Variants in FAM180B observed in about 807,000 individuals in gnomAD.
FAM180B encodes protein FAM180B.
Under a neutral mutation model 13.6 loss-of-function variants are expected in FAM180B, and 14 were observed. The ratio of observed to expected loss-of-function variants is 1.03; its 90% confidence interval spans 0.68 to 1.60. FAM180B has a LOEUF of 1.60. Ranked by LOEUF, FAM180B falls within the 40% of genes most tolerant of loss-of-function variation. The probability of loss-of-function intolerance (pLI) is 0.00; values close to 1 mark genes in which losing one functional copy is unlikely to be tolerated. For missense variants in FAM180B, 212 were observed against 230.4 expected (o/e 0.92, Z 0.52); for synonymous variants, 109 against 97.0 (o/e 1.12, Z -0.72).
chr11:47,586,831 G>A lies in FAM180B; in HGVS notation c.63G>A (p.Val21=). ...LVVAICLLSG[V]TTTQPHAGQP... Reference sequence around the variant, plus strand: ...TAGCCATTTGTCTCCTCTCTGGTGTGACTACAACCCAGCCCCATGCAGGTA... The same window carrying A: ...TAGCCATTTGTCTCCTCTCTGGTGTAACTACAACCCAGCCCCATGCAGGTA... Residue 21 remains valine (V), a synonymous_variant, in exon 1 of 3, where the codon GTG becomes GTA. Transcript: ENST00000538490. The A allele has an allele frequency of 1.3e-6, 2 of 1,537,150 alleles. No individual in the cohort carries two copies. The highest frequency in any genetic ancestry group is 1.7e-6 in the Non-Finnish European group (2 of 1,146,786).
chr11:47,586,717 G>A lies in FAM180B; in HGVS notation c.-52G>A. On this transcript the variant is annotated 5_prime_UTR_variant, in exon 1 of 3. The change abolishes an upstream ATG in the 5' untranslated region. Coordinates refer to ENST00000538490, the MANE Select transcript of FAM180B (RefSeq NM_001164379.3). Reference sequence around the variant, plus strand: ...GAGCTGAGGTGTGTGGCAGGCAGATGAGGGAGCAGAGAACTGCTGAACAGA... The same window carrying A: ...GAGCTGAGGTGTGTGGCAGGCAGATAAGGGAGCAGAGAACTGCTGAACAGA... The A allele has an allele frequency of 7.4e-7, 1 of 1,344,958 alleles. No homozygotes were observed. Among genetic ancestry groups the A allele is most frequent in the Non-Finnish European group, 1.0e-6 (1 of 971,054 alleles). 83.3% of individuals were successfully genotyped at this position (1,344,958 alleles called of 1,614,324 possible).
In FAM180B at chr11:47,588,173, T is replaced by C; in HGVS notation, c.291T>C (p.Thr97=). The C allele has an allele frequency of 3.9e-6, 6 of 1,537,210 alleles. No homozygotes were observed. Among genetic ancestry groups the C allele is most frequent in the Non-Finnish European group, 5.2e-6 (6 of 1,146,884 alleles). Residue 97 remains threonine, a synonymous_variant, in exon 3 of 3, where the codon ACT becomes ACC. Transcript: ENST00000538490. ...ACGTGCCCAGTGACTTGGAGGGCAC[T>C]GAGCAGTGGCTGCAGCAGCTCCAGG... ...QHHVPSDLEG[T]EQWLQQLQDL...
At chr11:47,587,644 T>A in intron 1 of FAM180B, 107 bp from the exon 2 acceptor site, 2 of 701,312 alleles carry the variant, frequency 2.9e-6, no homozygotes, top group African/African-American at 1.8e-5. Context: ...TTTTGTAGAA[T>A]GATGAAGCAC....
Position 47,588,209 on chromosome 11 carries a change from G to A in FAM180B, c.327G>A (p.Lys109=). The change falls in exon 3 of 3, where the codon AAG becomes AAA. Residue 109 remains lysine (K), a synonymous_variant. Coordinates refer to ENST00000538490, the MANE Select transcript of FAM180B (RefSeq NM_001164379.3). ...QWLQQLQDLR[K]GPPLSTWDFE... ...TGCAGCAGCTCCAGGACCTGCGGAAGGGGCCTCCTCTTAGCACTTGGGACT... is the reference window on the plus strand; with the variant it reads ...TGCAGCAGCTCCAGGACCTGCGGAAAGGGCCTCCTCTTAGCACTTGGGACT... 6.5e-7 allele frequency: 1 copy of A among 1,537,180 alleles called. No homozygotes were observed.
At chr11:47,587,657 G>A (rs1010759045) in intron 1 of FAM180B, 94 bp from the exon 2 acceptor site, 13 of 806,738 alleles carry the variant, frequency 1.6e-5, no homozygotes, top group African/African-American at 8.7e-5. Flanking sequence ...TGAAGCACTC[G>A]GGACCTCTAC....
rs764670138 is a variant in FAM180B at position 47,588,086 on chromosome 11, C to T, written c.204C>T (p.Ile68=). ...TGGATGTCATGGGGCAGCTGCACATCCAGGATGAGGAACTAGCGTCCACAC... is the reference window on the plus strand; with the variant it reads ...TGGATGTCATGGGGCAGCTGCACATTCAGGATGAGGAACTAGCGTCCACAC... ...LELDVMGQLH[I]QDEELASTHP... The change falls in exon 3 of 3, where the codon ATC becomes ATT. Residue 68 remains isoleucine, a synonymous_variant. Transcript: ENST00000538490. The T allele has an allele frequency of 5.6e-5, 86 of 1,536,812 alleles. No individual in the cohort carries two copies. The African/African-American group carries it at 1.1e-3, about 20-fold the overall frequency.
chr11:47,588,696 G>C lies in FAM180B; in HGVS notation c.*262G>C, dbSNP rs948750541. The C allele has an allele frequency of 2.2e-6, 1 of 458,474 alleles. No individual in the cohort carries two copies. Among genetic ancestry groups the C allele is most frequent in the Non-Finnish European group, 3.9e-6 (1 of 257,500 alleles). 28.4% of individuals were successfully genotyped at this position (458,474 alleles called of 1,614,324 possible). On this transcript the variant is annotated 3_prime_UTR_variant, in exon 3 of 3. Coordinates refer to ENST00000538490, the MANE Select transcript of FAM180B (RefSeq NM_001164379.3). ...GGAGTGGGCACAGAGCTAAGGGCAC[G>C]ACTTGCAGGCAGTGTGTGTGTGAGT...
Position 47,589,181 on chromosome 11 carries a change from T to A in FAM180B, c.*747T>A, listed in dbSNP as rs950728849. On this transcript the variant is annotated 3_prime_UTR_variant, in exon 3 of 3. Coordinates refer to ENST00000538490, the MANE Select transcript of FAM180B (RefSeq NM_001164379.3). ...ATTCTGTGTTGCTCTTCTCATAAAA[T>A]GTTCTGTTTCGGCCTCCTGGAGCCT... is the stretch of plus-strand genomic sequence containing the variant. 6.6e-6 allele frequency: 1 copy of A among 152,140 alleles called. No individual in the cohort carries two copies. Among genetic ancestry groups the A allele is most frequent in the Non-Finnish European group, 1.5e-5 (1 of 68,072 alleles). 9.4% of individuals were successfully genotyped at this position (152,140 alleles called of 1,614,324 possible). A position where few individuals can be genotyped will look rare whatever the true frequency, so the allele number is the denominator to read the frequency against.
At position 47,586,846 on chromosome 11, in the gene FAM180B, C is replaced by A; in HGVS notation, c.78C>A (p.Pro26=). 6.5e-7 allele frequency: 1 copy of A among 1,536,352 alleles called. No homozygotes were observed. Among genetic ancestry groups the A allele is most frequent in the Non-Finnish European group, 8.7e-7 (1 of 1,146,090 alleles). The change falls in exon 1 of 3, where the codon CCC becomes CCA. Residue 26 remains proline, a synonymous_variant. Coordinates refer to ENST00000538490, the MANE Select transcript of FAM180B (RefSeq NM_001164379.3). ...TCTCTGGTGTGACTACAACCCAGCC[C>A]CATGCAGGTACCAGGCTTCAGGGTG... The part of the protein sequence containing the change: ...CLLSGVTTTQ[P]HAGQPMDSTS...
intron 1 of FAM180B, 59 bp from the exon 2 acceptor site, chr11:47,587,692 G>T: frequency 7.9e-7 from 1 of 1,259,812 alleles, no homozygotes; most frequent in Non-Finnish European, 1.1e-6. Context: ...GCACTTCTGG[G>T]AGGCTGGGGT....
At position 47,588,477 on chromosome 11, in the gene FAM180B, C is replaced by CT; in HGVS notation, c.*44dup. 1 of 1,070,964 alleles carries CT rather than the reference C, an allele frequency of 9.3e-7. No individual in the cohort carries two copies. Among genetic ancestry groups the CT allele is most frequent in the Non-Finnish European group, 1.3e-6 (1 of 756,724 alleles). The allele number at this position is 1,070,964 out of a possible 1,614,324, so 66.3% of individuals were successfully genotyped here. A position where few individuals can be genotyped will look rare whatever the true frequency, so the allele number is the denominator to read the frequency against. On this transcript the variant is annotated 3_prime_UTR_variant, in exon 3 of 3. Coordinates refer to ENST00000538490, the MANE Select transcript of FAM180B (RefSeq NM_001164379.3). Reference sequence around the variant, plus strand: ...TTCACCTGCCATTACCCCCTCCCATCTCCTCCTCAACCCCCCAGGCAGACC... The same window carrying CT: ...TTCACCTGCCATTACCCCCTCCCATCTTCCTCCTCAACCCCCCAGGCAGACC...
chr11:47,587,417 G>A (rs1268224660), intron 1 of FAM180B, among the ~76,000 whole-genome samples: 1 of 152,214 alleles, frequency 6.6e-6, no homozygotes, highest in East Asian at 1.9e-4. Context: ...GAGGGGAGGA[G>A]GGTGGGGAAG....
chr11:47,588,345 ACACT>A lies in FAM180B; in HGVS notation c.465_468del (p.Leu156GlyfsTer142), dbSNP rs1209026720. 1.3e-6 allele frequency: 2 copies of A among 1,536,860 alleles called. No individual in the cohort carries two copies. Among genetic ancestry groups the A allele is most frequent in the Admixed American group, 2.0e-5 (1 of 50,978 alleles). ...GGTCTTCGCTCTCCTGGCACAGGAA[ACACT>A]CTGGGACCTGTGCAAAGGTTTCTGC... On this transcript the variant is annotated frameshift_variant, in exon 3 of 3. Coordinates refer to ENST00000538490, the MANE Select transcript of FAM180B (RefSeq NM_001164379.3). LOFTEE classifies it high-confidence loss of function.
chr11:47,587,352 C>G (rs765862263), intron 1 of FAM180B, among the ~76,000 whole-genome samples: 5 of 152,176 alleles, frequency 3.3e-5, no homozygotes, highest in Non-Finnish European at 7.3e-5. Flanking sequence ...GGTCTTTGTC[C>G]TTGGGAGAGT....
Position 47,588,458 on chromosome 11 carries a change from T to C in FAM180B, c.*24T>C. Reference sequence around the variant, plus strand: ...GACCCTCCTCTTTTGTTCTTTCACCTGCCATTACCCCCTCCCATCTCCTCC... The same window carrying C: ...GACCCTCCTCTTTTGTTCTTTCACCCGCCATTACCCCCTCCCATCTCCTCC... On this transcript the variant is annotated 3_prime_UTR_variant, in exon 3 of 3. Coordinates refer to ENST00000538490, the MANE Select transcript of FAM180B (RefSeq NM_001164379.3). The C allele has an allele frequency of 7.2e-7, 1 of 1,391,454 alleles. No individual in the cohort carries two copies. The highest frequency in any genetic ancestry group is 1.4e-5 in the South Asian group (1 of 70,748). The allele number at this position is 1,391,454 out of a possible 1,614,324, so 86.2% of individuals were successfully genotyped here. A position where few individuals can be genotyped will look rare whatever the true frequency, so the allele number is the denominator to read the frequency against.
At chr11:47,586,922 A>G (rs772113955) in intron 1 of FAM180B, 69 bp downstream of exon 1, 40 of 1,078,880 alleles carry the variant, frequency 3.7e-5, no homozygotes, top group Non-Finnish European at 5.5e-5. Context: ...AGTTGGCTCT[A>G]TTTGAGGCTA....
chr11:47,587,848 G>T, intron 2 of FAM180B, 27 bp downstream of exon 2: 3 of 1,512,880 alleles, frequency 2.0e-6, no homozygotes, highest in Non-Finnish European at 2.6e-6. Flanking sequence ...TGGGACATGG[G>T]GGTGGGCACG....
Position 47,587,810 on chromosome 11 carries a change from G to A in FAM180B, c.145G>A (p.Val49Met). ...CCTGCAGGAGCCAGAGGCCCCGGAA[G>A]TGATGTTTGAGGTCTTTCCTCCCAG... is the stretch of plus-strand genomic sequence containing the variant. ...GGLQEPEAPE[V>M]MFELLWAGLE... Residue 49 changes from valine (V) to methionine (M), a missense_variant, in exon 2 of 3, where the codon GTG becomes ATG. By Grantham distance (21) the Val-to-Met change is conservative (BLOSUM62 1). Transcript: ENST00000538490. 2.6e-6 allele frequency: 4 copies of A among 1,535,130 alleles called. No homozygotes were observed. Among genetic ancestry groups the A allele is most frequent in the Non-Finnish European group, 3.5e-6 (4 of 1,145,652 alleles).
upstream of FAM180B, chr11:47,586,676 C>T (rs2097271722): frequency 2.2e-6 from 2 of 907,146 alleles, no homozygotes; most frequent in Non-Finnish European, 3.5e-6. Context: ...CTGGAGCAGC[C>T]CGCAGTGGAA....
Sources: gnomAD v4.1 joint callset for allele counts (sites outside exome capture counted in the v4.1 genomes callset) on GRCh38, gnomAD v4.1.1 for gene constraint, MANE v1.5 for transcripts, NCBI Gene and HGNC (gene_info 2026-07-23, HGNC 2026-07-21) for gene names.